The following DCP1A variants were observed in gnomAD, a reference collection of about 807,000 sequenced individuals.
The protein encoded by DCP1A is decapping mRNA 1A.
DCP1A carries 20 observed loss-of-function variants against 58.0 expected under a neutral mutation model. The ratio of observed to expected loss-of-function variants is 0.34; its 90% CI spans 0.24 to 0.50. DCP1A has a LOEUF of 0.50. Ranked by LOEUF, DCP1A falls within the 20% of genes least tolerant of loss-of-function variation. The pLI, the probability that DCP1A is intolerant of heterozygous loss-of-function variation, is 0.98. For synonymous variants in DCP1A, 285 were observed against 275.1 expected (o/e 1.04, Z -0.36); for missense variants, 613 against 712.2 (o/e 0.86, Z 1.59).
At chr3:53,307,616 T>A (rs1559689618) in intron 5 of DCP1A, among the ~76,000 whole-genome samples, 1 of 152,220 alleles carries the variant, frequency 6.6e-6, no homozygotes, top group African/African-American at 2.4e-5. Context: ...GTGCAGGGCC[T>A]TTCTTGGAGA....
Position 53,326,584 on chromosome 3 carries a change from T to G in DCP1A, c.305-7111A>C, listed in dbSNP as rs536018127. Among the ~76,000 whole-genome samples, 20 of 152,340 alleles carry G rather than the reference T, an allele frequency of 1.3e-4. No homozygotes were observed. The East Asian group carries it at 3.5e-3, about 26-fold the overall frequency. ...GCTCTGCTTCTTGTCAGATCAGCTG[T>G]GGCAATAGATTCTCATAGGAGCTCC... On this transcript the variant is annotated intron_variant, in intron 3 of 9. Transcript: ENST00000610213.
intron 3 of DCP1A, among the ~76,000 whole-genome samples, chr3:53,334,040 T>G (rs147315421): frequency 6.6e-6 from 1 of 152,144 alleles, no homozygotes; most frequent in African/African-American, 2.4e-5. Flanking sequence ...GACAGGAGGA[T>G]TGCTTGAGCC....
chr3:53,289,423 C>T (rs886156528), intron 8 of DCP1A, among the ~76,000 whole-genome samples: 2 of 151,586 alleles, frequency 1.3e-5, no homozygotes, highest in Admixed American at 1.3e-4. Context: ...CCAGCCTGAT[C>T]AACATGGTGA....
chr3:53,332,898 C>A (rs1388429404), intron 3 of DCP1A, among the ~76,000 whole-genome samples: 1 of 151,390 alleles, frequency 6.6e-6, no homozygotes, highest in Non-Finnish European at 1.5e-5. Flanking sequence ...CAATTAATTT[C>A]TACTCTTTAT....
chr3:53,346,403 G>A (rs1553693143), intron 1 of DCP1A, among the ~76,000 whole-genome samples: 1 of 152,024 alleles, frequency 6.6e-6, no homozygotes, highest in African/African-American at 2.4e-5. Flanking sequence ...GACATACTAC[G>A]GTCATCTTCC....
chr3:53,300,892 C>T (rs1183673678), intron 6 of DCP1A, among the ~76,000 whole-genome samples: 1 of 152,152 alleles, frequency 6.6e-6, no homozygotes, highest in East Asian at 1.9e-4. Flanking sequence ...AAGGGATCCG[C>T]CTGCCTCCAC....
rs550529021 is a variant in DCP1A at position 53,292,267 on chromosome 3, GAGA to G, written c.1182_1184del (p.Leu395del). 4.6e-5 allele frequency: 75 copies of G among 1,613,996 alleles called. 1 individual carries two copies. In the South Asian group the frequency reaches 6.9e-4, roughly 15 times the overall value. On this transcript the variant is annotated inframe_deletion, in exon 7 of 10. Coordinates refer to ENST00000610213, the MANE Select transcript of DCP1A (RefSeq NM_018403.7). ...GCTGTGGGGTCAACCTGAGTTTCTG[GAGA>G]AGATCAACGCTTGGGAGGGATGTGC...
In DCP1A at chr3:53,312,379, A is replaced by G. The variant is rs1553688786; in HGVS notation, c.372T>C (p.Asp124=). The G allele has an allele frequency of 1.3e-6, 2 of 1,582,794 alleles. No individual in the cohort carries two copies. The highest frequency in any genetic ancestry group is 8.6e-7 in the Non-Finnish European group (1 of 1,167,914). The stretch of plus-strand genomic sequence containing the variant: ...ATCGCCGTGTCTCCTCTTCTACCAC[A>G]CTAGAGGAGAAGAACAAGGTTTTAG... ...DCHRIAKLMA[D]VVEEETRRSQ... Residue 124 remains aspartate, a splice_region_variant and synonymous_variant, in exon 5 of 10, where the codon GAT becomes GAC. Coordinates refer to ENST00000610213, the MANE Select transcript of DCP1A (RefSeq NM_018403.7).
chr3:53,332,583 G>T (rs2089026083), intron 3 of DCP1A, among the ~76,000 whole-genome samples: 1 of 152,004 alleles, frequency 6.6e-6, no homozygotes, highest in East Asian at 1.9e-4. Context: ...GAAATTTCTA[G>T]GCCGGGCGCG....
chr3:53,322,010 A>G (rs900601026), intron 3 of DCP1A, among the ~76,000 whole-genome samples: 2 of 152,244 alleles, frequency 1.3e-5, no homozygotes, highest in Non-Finnish European at 2.9e-5. Context: ...AATCATTTTT[A>G]TAACTATTAT....
In DCP1A at chr3:53,285,264, T is replaced by C. The variant is rs1420448235; in HGVS notation, c.*2316A>G. ...TAAAGACACTGCAGCAATGTAAACA[T>C]GCAACCTAAGCTAGCATGAGGTTCT... On this transcript the variant is annotated 3_prime_UTR_variant, in exon 10 of 10. Coordinates refer to ENST00000610213, the MANE Select transcript of DCP1A (RefSeq NM_018403.7). The C allele has an allele frequency of 6.6e-6, 1 of 152,140 alleles. No homozygotes were observed. Among genetic ancestry groups the C allele is most frequent in the Non-Finnish European group, 1.5e-5 (1 of 68,028 alleles). 9.4% of individuals were successfully genotyped at this position (152,140 alleles called of 1,614,324 possible). A position where few individuals can be genotyped will look rare whatever the true frequency, so the allele number is the denominator to read the frequency against.
At chr3:53,333,173 G>A (rs536480358) in intron 3 of DCP1A, 4 of 144,618 alleles carry the variant, frequency 2.8e-5, no homozygotes, top group East Asian at 4.0e-4. Flanking sequence ...ATGGAGTCTC[G>A]CTCTGTTGCC....
Position 53,308,606 on chromosome 3 carries a change from CT to C in DCP1A, c.510+3634del, listed in dbSNP as rs1707546019. Reference sequence around the variant, plus strand: ...ATCCTATTTTTTTCTTTTCTTTTTTCTTTTTAAGAAACAGAGTCTTGCTGTC... The same window carrying C: ...ATCCTATTTTTTTCTTTTCTTTTTTCTTTTAAGAAACAGAGTCTTGCTGTC... On this transcript the variant is annotated intron_variant, in intron 5 of 9. Coordinates refer to ENST00000610213, the MANE Select transcript of DCP1A (RefSeq NM_018403.7). Among the ~76,000 whole-genome samples the C allele has an allele frequency of 2.0e-5, 3 of 151,240 alleles. No homozygotes were observed. In the East Asian group the frequency reaches 5.8e-4, roughly 29 times the overall value.
chr3:53,310,967 G>C (rs1437039145), intron 5 of DCP1A, among the ~76,000 whole-genome samples: 1 of 152,084 alleles, frequency 6.6e-6, no homozygotes, highest in African/African-American at 2.4e-5. Flanking sequence ...GTTGTTAAAG[G>C]GCAGTATGCA....
chr3:53,331,059 A>C (rs2088990420), intron 3 of DCP1A, among the ~76,000 whole-genome samples: 1 of 152,092 alleles, frequency 6.6e-6, no homozygotes, highest in South Asian at 2.1e-4. Context: ...GGGTTTTACC[A>C]TGTTGGTCAG....
intron 3 of DCP1A, among the ~76,000 whole-genome samples, chr3:53,331,820 A>G (rs1553691312): frequency 6.6e-6 from 1 of 152,232 alleles, no homozygotes; most frequent in Non-Finnish European, 1.5e-5. Flanking sequence ...TTTATTCCTA[A>G]GAGGTGTCCA....
chr3:53,343,185 C>G (rs781934013), intron 2 of DCP1A, among the ~76,000 whole-genome samples: 2 of 152,180 alleles, frequency 1.3e-5, no homozygotes, highest in Non-Finnish European at 2.9e-5. Flanking sequence ...ATGATAAGGC[C>G]TGTGCCTGAG....
intron 3 of DCP1A, among the ~76,000 whole-genome samples, chr3:53,338,756 G>A (rs1450315729): frequency 2.0e-5 from 3 of 151,458 alleles, no homozygotes; most frequent in Admixed American, 6.6e-5. Flanking sequence ...AGCTACTCGG[G>A]AGGCTGAGGC....
At chr3:53,314,661 CTTTT>C (rs1201344289) in intron 4 of DCP1A, among the ~76,000 whole-genome samples, 1 of 105,234 alleles carries the variant, frequency 9.5e-6, no homozygotes, top group Non-Finnish European at 2.0e-5. Context: ...TATTTCTTTT[CTTTT>C]TCTTTTTTTT....
Sources: gnomAD v4.1 joint callset for allele counts (sites outside exome capture counted in the v4.1 genomes callset) on GRCh38, gnomAD v4.1.1 for gene constraint, MANE v1.5 for transcripts, NCBI Gene and HGNC (gene_info 2026-07-23, HGNC 2026-07-21) for gene names.